The following FOCAD variants were observed in gnomAD, a reference collection of about 807,000 sequenced individuals.
The protein encoded by FOCAD is KIAA1797.
In FOCAD, 198 loss-of-function variants were observed where a neutral mutation model predicts 225.6. The observed-to-expected ratio is 0.88, with a 90% CI of 0.78 to 0.99. The LOEUF (loss-of-function observed/expected upper bound fraction) is 0.99, where lower values mean the gene tolerates loss of function less well. Among genes scored for constraint, FOCAD ranks in the 50% least tolerant of loss-of-function variants. FOCAD has a pLI of 0.00. For synonymous variants in FOCAD, 897 were observed against 755.0 expected, an observed-to-expected ratio of 1.19 and a Z score of -3.08; for missense variants, 2,713 against 2,123.6, an observed-to-expected ratio of 1.28 and a Z score of -5.46.
At chr9:20,734,830 A>C (rs1827005726) in intron 4 of FOCAD, among the ~76,000 whole-genome samples, 2 of 151,968 alleles carry the variant, frequency 1.3e-5, no homozygotes, top group Non-Finnish European at 1.5e-5. Context: ...TTTTTTGTAG[A>C]GATGGGGTTT....
chr9:20,708,541 G>A (rs1824572950), intron 1 of FOCAD, among the ~76,000 whole-genome samples: 1 of 152,134 alleles, frequency 6.6e-6, no homozygotes, highest in Admixed American at 6.6e-5. Context: ...GGCTGAGGGT[G>A]GGAGGATCAC....
intron 15 of FOCAD, among the ~76,000 whole-genome samples, chr9:20,827,235 A>G: frequency 6.6e-6 from 1 of 151,946 alleles, no homozygotes; most frequent in East Asian, 1.9e-4. Context: ...CTAGGCAACC[A>G]TGAGTCTACT....
At chr9:20,676,439 T>A (rs1764162257) in intron 2 of FOCAD, among the ~76,000 whole-genome samples, 1 of 152,186 alleles carries the variant, frequency 6.6e-6, no homozygotes, top group Admixed American at 6.5e-5. Flanking sequence ...GAAAATTAGC[T>A]TGTGTGGCAG....
intron 20 of FOCAD, 38 bp from the exon 21 acceptor site, chr9:20,885,071 A>G: frequency 8.2e-7 from 1 of 1,217,728 alleles, no homozygotes; most frequent in Non-Finnish European, 1.1e-6. Context: ...AAAAATAAAA[A>G]TAAAAATAAA....
chr9:20,953,607 A>AAAT (rs1837879573), intron 35 of FOCAD, among the ~76,000 whole-genome samples: 1 of 152,218 alleles, frequency 6.6e-6, no homozygotes, highest in Non-Finnish European at 1.5e-5. Context: ...ACAGAGATTG[A>AAAT]GTGCCTTTTG....
intron 5 of FOCAD, among the ~76,000 whole-genome samples, chr9:20,751,609 A>T (rs1448267977): frequency 2.2e-5 from 3 of 138,286 alleles, no homozygotes; most frequent in Non-Finnish European, 3.2e-5. Flanking sequence ...ATAGTGCTGC[A>T]ATAAACATAT....
chr9:20,662,287 A>G (rs940627036), intron 2 of FOCAD, among the ~76,000 whole-genome samples: 1 of 152,150 alleles, frequency 6.6e-6, no homozygotes, highest in Non-Finnish European at 1.5e-5. Context: ...CAAGGAATTA[A>G]TTACTGCCCA....
chr9:20,990,836 G>A (rs1371364642), intron 42 of FOCAD, among the ~76,000 whole-genome samples: 1 of 152,128 alleles, frequency 6.6e-6, no homozygotes, highest in African/African-American at 2.4e-5. Flanking sequence ...AATGTGGGTC[G>A]GGAGCATCCA....
At chr9:20,988,768 G>A (rs1052017997) in intron 41 of FOCAD, among the ~76,000 whole-genome samples, 2 of 152,056 alleles carry the variant, frequency 1.3e-5, no homozygotes, top group African/African-American at 4.8e-5. Flanking sequence ...GGGAGAGAGA[G>A]AACCCAAGCT....
In FOCAD at chr9:20,810,058, A is replaced by G. The variant is rs553463139; in HGVS notation, c.1456-9738A>G. 3.3e-5 allele frequency among the ~76,000 whole-genome samples: 5 copies of G among 152,264 alleles called. 1 individual carries two copies. The East Asian group carries it at 5.8e-4, about 18-fold the overall frequency. ...TCAGCATAGAGCTGTAACCATGCTT[A>G]AGATTTATTACAGTGAAAGGATAGA... On this transcript the variant is annotated intron_variant, in intron 11 of 43. Coordinates refer to ENST00000338382, the MANE Select transcript of FOCAD (RefSeq NM_001375567.1).
chr9:20,741,676 C>CTTTTTTTTT (rs10675694), intron 5 of FOCAD, among the ~76,000 whole-genome samples: 2 of 87,192 alleles, frequency 2.3e-5, no homozygotes, highest in African/African-American at 9.0e-5. Context: ...GGTAAATATG[C>CTTTTTTTTT]TTTTTTTTTT....
chr9:20,658,138 C>G (rs1298581974), upstream of FOCAD, among the ~76,000 whole-genome samples: 1 of 151,434 alleles, frequency 6.6e-6, no homozygotes, highest in Non-Finnish European at 1.5e-5. Flanking sequence ...TGCCCGTTCT[C>G]AGATCTCCAG....
intron 35 of FOCAD, among the ~76,000 whole-genome samples, chr9:20,954,388 G>A (rs914978811): frequency 6.6e-6 from 1 of 152,080 alleles, no homozygotes; most frequent in Admixed American, 6.6e-5. Context: ...TTGTTAGGTT[G>A]CTTATTGATA....
intron 11 of FOCAD, among the ~76,000 whole-genome samples, chr9:20,800,287 C>A (rs2131276947): frequency 6.6e-6 from 1 of 152,022 alleles, no homozygotes; most frequent in East Asian, 1.9e-4. Context: ...AACATTTTTT[C>A]CTTCATTTCA....
In FOCAD at chr9:20,783,793, C is replaced by A. The variant is rs116357314; in HGVS notation, c.1197+1864C>A. On this transcript the variant is annotated intron_variant, in intron 10 of 43. Coordinates refer to ENST00000338382, the MANE Select transcript of FOCAD (RefSeq NM_001375567.1). ...AACATTCTGCTTCCTCCTTGTTCTCCTCCACTCCCGCAAGAGAATGTGGGG... is the reference window on the plus strand; with the variant it reads ...AACATTCTGCTTCCTCCTTGTTCTCATCCACTCCCGCAAGAGAATGTGGGG... Among the ~76,000 whole-genome samples, 720 of 152,212 alleles carry A rather than the reference C, an allele frequency of 4.7e-3. 6 individuals are homozygous for A. The highest frequency in any genetic ancestry group is 0.016 in the African/African-American group (685 of 41,530).
At chr9:20,696,079 T>G (rs1823346974) in intron 1 of FOCAD, among the ~76,000 whole-genome samples, 1 of 152,258 alleles carries the variant, frequency 6.6e-6, no homozygotes, top group Admixed American at 6.5e-5. Context: ...GACTTCTGCA[T>G]CTTAGTGTAT....
chr9:20,744,151 G>A (rs893926420), intron 5 of FOCAD, among the ~76,000 whole-genome samples: 2 of 152,154 alleles, frequency 1.3e-5, no homozygotes, highest in African/African-American at 2.4e-5. Flanking sequence ...ATGGTCAGAC[G>A]GTGGGTGGGT....
intron 2 of FOCAD, among the ~76,000 whole-genome samples, chr9:20,675,698 C>T (rs1332788959): frequency 6.6e-6 from 1 of 152,182 alleles, no homozygotes; most frequent in South Asian, 2.1e-4. Context: ...TGTTTGATCA[C>T]AGCAGCTGAA....
chr9:20,781,061 C>G (rs1819311989), intron 9 of FOCAD, among the ~76,000 whole-genome samples: 1 of 152,140 alleles, frequency 6.6e-6, no homozygotes, highest in Non-Finnish European at 1.5e-5. Context: ...TTAATTACAT[C>G]ACTTTGAAAA....
Sources: allele counts gnomAD v4.1 joint callset (sites outside exome capture counted in the v4.1 genomes callset), GRCh38; gene constraint gnomAD v4.1.1; transcripts MANE v1.5; gene names NCBI Gene and HGNC (gene_info 2026-07-23, HGNC 2026-07-21).